IL23R: variants seen among roughly 807,000 people sequenced by gnomAD.
IL23R encodes interleukin-23 receptor.
A neutral mutation model predicts 56.9 loss-of-function variants in IL23R; 34 were observed. The ratio of observed to expected loss-of-function variants is 0.60; its 90% CI spans 0.45 to 0.80. IL23R has a LOEUF of 0.80. IL23R is among the 30% of genes least tolerant of loss of function. The probability of loss-of-function intolerance (pLI) is 0.00; values close to 1 mark genes in which losing one functional copy is unlikely to be tolerated. For missense variants in IL23R, 635 were observed against 730.0 expected (o/e 0.87, Z 1.50); for synonymous variants, 230 against 249.2 (o/e 0.92, Z 0.73).
downstream of IL23R, among the ~76,000 whole-genome samples, chr1:67,264,818 A>C (rs1032425925): frequency 6.6e-6 from 1 of 152,238 alleles, no homozygotes; most frequent in African/African-American, 2.4e-5. Context: ...GATTATTTTC[A>C]GGAATACAAG....
chr1:67,228,630 C>T, intron 7 of IL23R, among the ~76,000 whole-genome samples: 1 of 152,012 alleles, frequency 6.6e-6, no homozygotes. Flanking sequence ...GTGAGAAATC[C>T]AAAATCACAA....
intron 7 of IL23R, 143 bp downstream of exon 7, chr1:67,219,873 C>A: frequency 1.3e-6 from 1 of 767,968 alleles, no homozygotes; most frequent in South Asian, 1.5e-5. Context: ...TGAGACTGGC[C>A]TGGGCAACAT....
intron 9 of IL23R, among the ~76,000 whole-genome samples, chr1:67,244,713 A>G (rs186019637): frequency 2.0e-4 from 30 of 152,240 alleles, no homozygotes; most frequent in Admixed American, 1.8e-3. Context: ...TTGTTACTGT[A>G]ACCTTGTAGT....
chr1:67,257,457 C>T (rs2100393296), intron 10 of IL23R, among the ~76,000 whole-genome samples: 1 of 152,112 alleles, frequency 6.6e-6, no homozygotes, highest in East Asian at 1.9e-4. Flanking sequence ...AAAGTCTCCA[C>T]TTTCAAATAA....
intron 4 of IL23R, among the ~76,000 whole-genome samples, chr1:67,186,705 G>T (rs899253573): frequency 6.7e-6 from 1 of 150,144 alleles, no homozygotes; most frequent in African/African-American, 2.5e-5. Flanking sequence ...TACAACCTCT[G>T]CCTCCTGGGT....
chr1:67,219,965 G>A (rs984200443), intron 7 of IL23R, among the ~76,000 whole-genome samples: 1 of 152,098 alleles, frequency 6.6e-6, no homozygotes, highest in Non-Finnish European at 1.5e-5. Flanking sequence ...CAGCTACTTG[G>A]GAAGCTGAGG....
intron 1 of IL23R, among the ~76,000 whole-genome samples, chr1:67,156,313 G>T (rs1646769722): frequency 6.6e-6 from 1 of 152,194 alleles, no homozygotes; most frequent in South Asian, 2.1e-4. Flanking sequence ...CAGCAAAGCT[G>T]GTGCTCTGTG....
chr1:67,252,804 CA>C (rs1207921503), intron 9 of IL23R, among the ~76,000 whole-genome samples: 136 of 53,480 alleles, frequency 2.5e-3, no homozygotes, highest in African/African-American at 8.3e-3. Context: ...AATTTATAGA[CA>C]AAAAAAAAAA....
At chr1:67,263,541 T>C (rs1406730465), downstream of IL23R, among the ~76,000 whole-genome samples, 1 of 152,174 alleles carries the variant, frequency 6.6e-6, no homozygotes, top group Non-Finnish European at 1.5e-5. Context: ...CCCTTTGACA[T>C]AGAGACAGCA....
intron 3 of IL23R, among the ~76,000 whole-genome samples, chr1:67,176,780 C>T (rs1342357110): frequency 6.6e-6 from 1 of 152,044 alleles, no homozygotes; most frequent in African/African-American, 2.4e-5. Context: ...TGCTATCCCT[C>T]CCCCCTCCTC....
At chr1:67,205,024 C>T (rs1648907829) in intron 5 of IL23R, among the ~76,000 whole-genome samples, 1 of 152,132 alleles carries the variant, frequency 6.6e-6, no homozygotes, top group Non-Finnish European at 1.5e-5. Context: ...AAATGATCTG[C>T]CCACCTAGGC....
At chr1:67,227,949 T>A (rs1039138392) in intron 7 of IL23R, among the ~76,000 whole-genome samples, 6 of 8,446 alleles carry the variant, frequency 7.1e-4, no homozygotes, top group Non-Finnish European at 2.3e-3. Context: ...GATCTTTCTT[T>A]CTTTCTTTCT....
intron 4 of IL23R, 27 bp downstream of exon 4, chr1:67,182,986 T>C (rs1281009103): frequency 6.2e-7 from 1 of 1,613,310 alleles, no homozygotes; most frequent in South Asian, 1.1e-5. Context: ...CGGCTTCATA[T>C]AAGCAGTTCC....
intron 4 of IL23R, among the ~76,000 whole-genome samples, chr1:67,186,577 G>C (rs1647352012): frequency 6.6e-6 from 1 of 152,092 alleles, no homozygotes; most frequent in Non-Finnish European, 1.5e-5. Flanking sequence ...CATGTAAAAG[G>C]AATCATATAA....
intron 4 of IL23R, among the ~76,000 whole-genome samples, chr1:67,187,383 G>T (rs895918864): frequency 1.6e-4 from 24 of 152,170 alleles, no homozygotes; most frequent in African/African-American, 5.8e-4. Flanking sequence ...AAATATATTT[G>T]TTGGATACAA....
At chr1:67,239,510 C>T (rs1284974423) in intron 8 of IL23R, among the ~76,000 whole-genome samples, 4 of 152,200 alleles carry the variant, frequency 2.6e-5, no homozygotes, top group Non-Finnish European at 5.9e-5. Context: ...AGTGATCCTC[C>T]CACCTCGGCC....
chr1:67,225,982 A>G (rs4655692), intron 7 of IL23R, among the ~76,000 whole-genome samples: 115,827 of 152,158 alleles, frequency 0.76, 44,407 homozygotes, highest in East Asian at 0.99. Flanking sequence ...ACAGAAAGGC[A>G]GAGTGGATAT....
downstream of IL23R, among the ~76,000 whole-genome samples, chr1:67,264,140 G>A (rs1653283223): frequency 6.6e-6 from 1 of 152,210 alleles, no homozygotes; most frequent in Admixed American, 6.5e-5. Context: ...CGCAGGCTCA[G>A]GGGACCAAAA....
At chr1:67,156,726 G>A (rs1306802852) in intron 1 of IL23R, among the ~76,000 whole-genome samples, 1 of 152,214 alleles carries the variant, frequency 6.6e-6, no homozygotes, top group Non-Finnish European at 1.5e-5. Context: ...TTTAAAGCCA[G>A]TGGTTTTTAG....
Sources: gnomAD v4.1 joint callset for allele counts (sites outside exome capture counted in the v4.1 genomes callset) on GRCh38, gnomAD v4.1.1 for gene constraint, MANE v1.5 for transcripts, NCBI Gene and HGNC (gene_info 2026-07-23, HGNC 2026-07-21) for gene names.